Variants in LAMA4 observed in about 807,000 individuals in gnomAD.
The protein encoded by LAMA4 is laminin subunit alpha-4.
Under a neutral mutation model 207.1 loss-of-function variants are expected in LAMA4, and 127 were observed. The ratio of observed to expected loss-of-function variants is 0.61; its 90% CI spans 0.53 to 0.71. LAMA4 has a LOEUF of 0.71. Ranked by LOEUF, LAMA4 falls within the 30% of genes least tolerant of loss-of-function variation. The pLI is 0.00. For synonymous variants in LAMA4, 761 were observed against 816.0 expected (o/e 0.93, Z 1.15); for missense variants, 2,093 against 2,246.5 (o/e 0.93, Z 1.38).
chr6:112,236,658 T>C (rs74891213), intron 2 of LAMA4: 218 of 152,360 alleles, frequency 1.4e-3, no homozygotes, highest in African/African-American at 4.9e-3. Flanking sequence ...AGATATGTTA[T>C]AAGGCAAATT....
intron 2 of LAMA4, among the ~76,000 whole-genome samples, chr6:112,243,677 A>G (rs1554188140): frequency 1.3e-5 from 2 of 152,186 alleles, no homozygotes; most frequent in Admixed American, 1.3e-4. Context: ...AACAGAAACA[A>G]TAAAGAGTAA....
chr6:112,120,678 TACA>T (rs1562629781), intron 32 of LAMA4, among the ~76,000 whole-genome samples: 1 of 152,256 alleles, frequency 6.6e-6, no homozygotes, highest in Non-Finnish European at 1.5e-5. Context: ...TACTTCCTTA[TACA>T]ACAAGGATGT....
At chr6:112,147,266 G>C (rs1216117581) in intron 18 of LAMA4, among the ~76,000 whole-genome samples, 1 of 152,074 alleles carries the variant, frequency 6.6e-6, no homozygotes, top group Non-Finnish European at 1.5e-5. Flanking sequence ...AATTTTAAAA[G>C]CACTTCCTTG....
In LAMA4 at chr6:112,116,129, C is replaced by T. The variant is rs17073379; in HGVS notation, c.4982-136G>A. On this transcript the variant is annotated intron_variant, in intron 35 of 38. Transcript: ENST00000230538. ...TTTTTAACAGATAAGTAGAAAGTGG[C>T]TTTTCCATGTCAAACTCACTGTGGA... 3.6e-3 allele frequency: 3,076 copies of T among 846,194 alleles called. 78 individuals carry two copies. In the African/African-American group the frequency reaches 0.048, roughly 13 times the overall value. 52.4% of individuals were successfully genotyped at this position (846,194 alleles called of 1,614,324 possible).
At chr6:112,236,272 G>A (rs1215717760) in intron 2 of LAMA4, 1 of 152,220 alleles carries the variant, frequency 6.6e-6, no homozygotes, top group Non-Finnish European at 1.5e-5. Flanking sequence ...AGAACTCTGT[G>A]AAACTTCCTG....
intron 12 of LAMA4, among the ~76,000 whole-genome samples, chr6:112,168,636 G>A (rs1001074593): frequency 2.6e-5 from 4 of 152,104 alleles, no homozygotes; most frequent in South Asian, 2.1e-4. Flanking sequence ...GTGAGCCACC[G>A]AGCCAGCATT....
chr6:112,166,295 T>C (rs1201794767), intron 12 of LAMA4: 3 of 151,906 alleles, frequency 2.0e-5, no homozygotes, highest in Admixed American at 1.3e-4. Context: ...AAGAATCACA[T>C]TTGAACATCC....
chr6:112,205,528 G>A (rs1784009682), intron 4 of LAMA4, among the ~76,000 whole-genome samples: 1 of 152,072 alleles, frequency 6.6e-6, no homozygotes, highest in Non-Finnish European at 1.5e-5. Context: ...ATTTGAATAT[G>A]AACCTAGATT....
chr6:112,111,713 G>A (rs1034076044), intron 38 of LAMA4, among the ~76,000 whole-genome samples: 73 of 152,268 alleles, frequency 4.8e-4, no homozygotes, highest in African/African-American at 1.6e-3. Context: ...TGGTGGTTAC[G>A]CCCTTCTGGC....
intron 9 of LAMA4, among the ~76,000 whole-genome samples, chr6:112,182,032 G>C (rs1467411732): frequency 6.6e-6 from 1 of 152,098 alleles, no homozygotes; most frequent in Non-Finnish European, 1.5e-5. Context: ...AGGAGGCAGA[G>C]GTTGCAGTGA....
intron 9 of LAMA4, chr6:112,179,896 G>A (rs782151412): frequency 2.8e-5 from 15 of 532,552 alleles, no homozygotes; most frequent in South Asian, 2.1e-4. Context: ...ACTGTCTTCT[G>A]AGTCATTATA....
At chr6:112,121,230 TA>T (rs1554326092) in intron 32 of LAMA4, among the ~76,000 whole-genome samples, 1 of 152,212 alleles carries the variant, frequency 6.6e-6, no homozygotes, top group Non-Finnish European at 1.5e-5. Flanking sequence ...AATTAATGGA[TA>T]CCACATGTAA....
chr6:112,187,302 C>A, intron 8 of LAMA4, 148 bp downstream of exon 8: 1 of 902,428 alleles, frequency 1.1e-6, no homozygotes, highest in East Asian at 2.6e-5. Flanking sequence ...TATGAAATTA[C>A]TTATGTTTTC....
chr6:112,178,151 G>T lies in LAMA4; in HGVS notation c.1159C>A (p.Gln387Lys). Residue 387 changes from glutamine to lysine, a missense_variant, in exon 10 of 39, where the codon CAA becomes AAA. Gln to Lys is a moderately conservative substitution (Grantham distance 53). Transcript: ENST00000230538. ...TINHASQLVE[Q>K]AHDMRDKIQE... ...ATTTTATCCCTCATATCATGGGCTT[G>T]CTCTACCAGCTGACTTGCGTGGTTA... 1.2e-6 allele frequency: 2 copies of T among 1,613,538 alleles called. No individual in the cohort carries two copies. Among genetic ancestry groups the T allele is most frequent in the Non-Finnish European group, 1.7e-6 (2 of 1,179,500 alleles).
intron 6 of LAMA4, among the ~76,000 whole-genome samples, chr6:112,190,933 T>C (rs1583845373): frequency 1.1e-5 from 1 of 90,376 alleles, no homozygotes; most frequent in Non-Finnish European, 2.2e-5. Context: ...CTTTCTTTCT[T>C]TCTTTCTTTC....
At chr6:112,236,885 C>T (rs532254824) in intron 2 of LAMA4, 1 of 152,246 alleles carries the variant, frequency 6.6e-6, no homozygotes, top group East Asian at 1.9e-4. Flanking sequence ...GAGAGTAAGA[C>T]TTGAGAGCTA....
At chr6:112,142,383 A>T in intron 19 of LAMA4, 91 bp from the exon 20 acceptor site, 1 of 1,168,868 alleles carries the variant, frequency 8.6e-7, no homozygotes, top group Non-Finnish European at 1.3e-6. Context: ...AGGGGCCTAT[A>T]AACTCTCTTC....
At chr6:112,155,459 T>C in intron 15 of LAMA4, 106 bp downstream of exon 15, 1 of 1,300,884 alleles carries the variant, frequency 7.7e-7, no homozygotes, top group Non-Finnish European at 1.1e-6. Context: ...CCTTTTCCAC[T>C]CTTTCTGCCA....
Position 112,254,073 on chromosome 6 carries a change from G to A in LAMA4, c.78C>T (p.Ser26=), listed in dbSNP as rs782539011. The change falls in exon 2 of 39, where the codon TCC becomes TCT. Residue 26 remains serine, a synonymous_variant. Transcript: ENST00000230538. ...LWSAACSRAA[S]GDDNAFPFDI... ...CAAAAGGAAAAGCGTTGTCGTCCCC[G>A]GACGCGGCGCGGGAGCAGGCAGCGC... is the stretch of plus-strand genomic sequence containing the variant. The A allele has an allele frequency of 5.0e-6, 8 of 1,611,048 alleles. No individual in the cohort carries two copies. The highest frequency in any genetic ancestry group is 6.8e-6 in the Non-Finnish European group (8 of 1,179,178).
Sources: gnomAD v4.1 joint callset for allele counts (sites outside exome capture counted in the v4.1 genomes callset) on GRCh38, gnomAD v4.1.1 for gene constraint, MANE v1.5 for transcripts, NCBI Gene and HGNC (gene_info 2026-07-23, HGNC 2026-07-21) for gene names.